FER1L6: variants seen among roughly 807,000 people sequenced by gnomAD.
FER1L6 encodes fer-1-like protein 6.
A neutral mutation model predicts 219.2 loss-of-function variants in FER1L6; 177 were observed. That is an observed-to-expected ratio of 0.81 (90% CI 0.71 to 0.91). FER1L6 has a LOEUF of 0.91. Ranked by LOEUF, FER1L6 falls within the 40% of genes least tolerant of loss-of-function variation. FER1L6 has a pLI of 0.00. For missense variants in FER1L6, 2,153 were observed against 2,259.9 expected, an observed-to-expected ratio of 0.95 and a Z score of 0.96; for synonymous variants, 768 against 824.3, an observed-to-expected ratio of 0.93 and a Z score of 1.17.
At chr8:124,006,589 G>A (rs1317358235) in intron 13 of FER1L6, among the ~76,000 whole-genome samples, 1 of 152,168 alleles carries the variant, frequency 6.6e-6, no homozygotes, top group East Asian at 1.9e-4. Flanking sequence ...TTTGTTCTGG[G>A]CTTTCCAGTG....
At chr8:123,886,634 G>T (rs973495120) in intron 1 of FER1L6, among the ~76,000 whole-genome samples, 3 of 152,072 alleles carry the variant, frequency 2.0e-5, no homozygotes, top group Non-Finnish European at 2.9e-5. Flanking sequence ...CTAAGACCTG[G>T]GTGATCATAC....
At chr8:123,959,940 C>T (rs374498640) in intron 2 of FER1L6, among the ~76,000 whole-genome samples, 2 of 152,042 alleles carry the variant, frequency 1.3e-5, no homozygotes, top group East Asian at 1.9e-4. Flanking sequence ...CTTTTCTTGC[C>T]CAATTCTTTT....
chr8:124,017,807 G>T lies in FER1L6; in HGVS notation c.2013+89G>T, dbSNP rs921470396. On this transcript the variant is annotated intron_variant, in intron 16 of 40. Transcript: ENST00000522917. ...AGGTCACAGACCAAATGAGGTTGAG[G>T]TTTAAAGGTCATACATTTTTGGGAT... The T allele has an allele frequency of 9.0e-6, 9 of 999,258 alleles. No individual in the cohort carries two copies. In the African/African-American group the frequency reaches 1.5e-4, roughly 16 times the overall value. 61.9% of individuals were successfully genotyped at this position (999,258 alleles called of 1,614,324 possible).
At chr8:124,014,684 T>A (rs1052495672) in intron 15 of FER1L6, among the ~76,000 whole-genome samples, 1 of 152,198 alleles carries the variant, frequency 6.6e-6, no homozygotes, top group Non-Finnish European at 1.5e-5. Flanking sequence ...CACTATTTAA[T>A]GAAATTTTTA....
In FER1L6 at chr8:124,101,181, C is replaced by T; in HGVS notation, c.4968C>T (p.Arg1656=). ...CTGGAGAGGGCAACTTCAACTGGCG[C>T]TTCCTGTTTCCCTTTCAGTATCTCC... ...SLTGEGNFNW[R]FLFPFQYLPA... The change falls in exon 38 of 41, where the codon CGC becomes CGT. Residue 1656 remains arginine (R), a synonymous_variant. Transcript: ENST00000522917. 1.2e-6 allele frequency: 2 copies of T among 1,613,882 alleles called. No individual in the cohort carries two copies. Among genetic ancestry groups the T allele is most frequent in the Admixed American group, 1.7e-5 (1 of 59,990 alleles).
At chr8:123,995,047 A>G (rs80274707) in intron 12 of FER1L6, among the ~76,000 whole-genome samples, 8,219 of 152,242 alleles carry the variant, frequency 0.054, 539 homozygotes, top group African/African-American at 0.16. Context: ...GGGGACTTAA[A>G]ATATTCTGCC....
intron 17 of FER1L6, among the ~76,000 whole-genome samples, chr8:124,022,118 G>A (rs1197001364): frequency 6.6e-6 from 1 of 152,212 alleles, no homozygotes; most frequent in Non-Finnish European, 1.5e-5. Flanking sequence ...CTTGAAGCTT[G>A]CAAATGTGTA....
At chr8:123,983,502 C>T (rs1816417331) in intron 11 of FER1L6, among the ~76,000 whole-genome samples, 2 of 152,116 alleles carry the variant, frequency 1.3e-5, no homozygotes, top group Admixed American at 1.3e-4. Flanking sequence ...ATAAATGTAA[C>T]AGGAAGTAGA....
At chr8:123,913,346 A>G (rs1056773217) in intron 1 of FER1L6, among the ~76,000 whole-genome samples, 3 of 152,160 alleles carry the variant, frequency 2.0e-5, no homozygotes, top group Non-Finnish European at 2.9e-5. Flanking sequence ...ACACACACAT[A>G]TATATTTGAT....
intron 6 of FER1L6, 131 bp downstream of exon 6, chr8:123,970,228 A>C: frequency 1.2e-6 from 1 of 809,896 alleles, no homozygotes; most frequent in Non-Finnish European, 2.1e-6. Context: ...TGGTGAGTCT[A>C]ACCAACAGGC....
chr8:123,896,915 C>T (rs763068241), intron 1 of FER1L6, among the ~76,000 whole-genome samples: 4 of 152,220 alleles, frequency 2.6e-5, no homozygotes, highest in East Asian at 1.9e-4. Flanking sequence ...CTTAACTCGC[C>T]GAAGCCCATC....
At chr8:123,855,982 A>AGATATATGTATATACATATGTATAT (rs1563663317) in intron 1 of FER1L6, among the ~76,000 whole-genome samples, 2 of 132,890 alleles carry the variant, frequency 1.5e-5, no homozygotes, top group African/African-American at 5.9e-5. Context: ...TATGTATATG[A>AGATATATGTATATACATATGTATAT]GATATATGTA....
At chr8:123,931,894 GA>G (rs1563691782) in intron 1 of FER1L6, among the ~76,000 whole-genome samples, 2 of 152,160 alleles carry the variant, frequency 1.3e-5, no homozygotes, top group Admixed American at 1.3e-4. Context: ...ACTAAATATT[GA>G]AGTACAAAAA....
intron 39 of FER1L6, among the ~76,000 whole-genome samples, chr8:124,114,808 TTATATA>T (rs1823165735): frequency 6.6e-6 from 1 of 150,404 alleles, no homozygotes; most frequent in South Asian, 2.1e-4. Flanking sequence ...ATACATGATC[TTATATA>T]TGTATGTACA....
At chr8:124,107,645 T>C (rs756045999) in intron 39 of FER1L6, among the ~76,000 whole-genome samples, 3 of 152,210 alleles carry the variant, frequency 2.0e-5, no homozygotes, top group Non-Finnish European at 4.4e-5. Flanking sequence ...CAGGTTATTA[T>C]AGTGATTTAA....
intron 1 of FER1L6, among the ~76,000 whole-genome samples, chr8:123,903,832 G>A (rs1037629480): frequency 6.6e-6 from 1 of 152,160 alleles, no homozygotes; most frequent in Admixed American, 6.5e-5. Flanking sequence ...TAGCACAAAA[G>A]GAAGCAAGAC....
At chr8:124,053,370 T>C (rs1487726836) in intron 22 of FER1L6, among the ~76,000 whole-genome samples, 3 of 152,214 alleles carry the variant, frequency 2.0e-5, no homozygotes, top group Non-Finnish European at 4.4e-5. Context: ...AAGTAAGCAC[T>C]GTCAGAGGTA....
In FER1L6 at chr8:124,118,913, C is replaced by G. The variant is rs747557262; in HGVS notation, c.5359C>G (p.Arg1787Gly). The change falls in exon 40 of 41, where the codon CGA (arginine) becomes GGA (glycine). Residue 1787 changes from arginine to glycine, a missense_variant. Coordinates refer to ENST00000522917, the MANE Select transcript of FER1L6 (RefSeq NM_001039112.2). ...EAEKNPVGKA[R>G]KEPEPLAKPN... is the part of the protein sequence containing the mutation. ...TGAGAAAAATCCTGTTGGAAAAGCC[C>G]GAAAGGAGCCAGAGCCCCTGGCCAA... is the stretch of plus-strand genomic sequence containing the variant. 1.2e-6 allele frequency: 2 copies of G among 1,613,746 alleles called. No homozygotes were observed. The highest frequency in any genetic ancestry group is 2.2e-5 in the South Asian group (2 of 91,060).
chr8:124,052,625 A>G lies in FER1L6; in HGVS notation c.2874+2869A>G, dbSNP rs112154983. Among the ~76,000 whole-genome samples the G allele has an allele frequency of 9.4e-3, 1,426 of 152,172 alleles. 20 individuals carry two copies. Among genetic ancestry groups the G allele is most frequent in the African/African-American group, 0.032 (1,329 of 41,520 alleles). ...CATGGAGAAACCCTATCCCTACTAA[A>G]AATACAAAAAGTAGCCAGGCGTGGT... On this transcript the variant is annotated intron_variant, in intron 22 of 40. Coordinates refer to ENST00000522917, the MANE Select transcript of FER1L6 (RefSeq NM_001039112.2).
Sources: allele counts gnomAD v4.1 joint callset (sites outside exome capture counted in the v4.1 genomes callset), GRCh38; gene constraint gnomAD v4.1.1; transcripts MANE v1.5; gene names NCBI Gene and HGNC (gene_info 2026-07-23, HGNC 2026-07-21).